RMND5A: variants seen among roughly 807,000 people sequenced by gnomAD.
RMND5A encodes the protein E3 ubiquitin-protein transferase RMND5A.
RMND5A carries 17 observed loss-of-function variants against 49.7 expected under a neutral mutation model. That is an observed-to-expected ratio of 0.34 (90% CI 0.23 to 0.51). RMND5A has a LOEUF of 0.51. RMND5A is among the 20% of genes least tolerant of loss of function. RMND5A has a pLI of 0.96. For synonymous variants in RMND5A, 156 were observed against 167.7 expected (o/e 0.93, Z 0.54); for missense variants, 255 against 471.3 (o/e 0.54, Z 4.25).
rs555833774 is a variant in RMND5A at position 86,777,647 on chromosome 2, G to A, written c.*4236G>A. 2.6e-4 allele frequency: 40 copies of A among 152,256 alleles called. No homozygotes were observed. Among genetic ancestry groups the A allele is most frequent in the African/African-American group, 8.7e-4 (36 of 41,544 alleles). The allele number at this position is 152,256 out of a possible 1,614,324, so 9.4% of individuals were successfully genotyped here. ...TATAGTATTTCTATAATTATGTAAC[G>A]AGAATAGTGTTGCACTGTAATCTAT... On this transcript the variant is annotated 3_prime_UTR_variant, in exon 9 of 9. Coordinates refer to ENST00000283632, the MANE Select transcript of RMND5A (RefSeq NM_022780.4).
rs2104378171 is a variant in RMND5A, at chr2:86,720,473, G to A, written c.-195G>A. On this transcript the variant is annotated 5_prime_UTR_variant, in exon 1 of 9. Coordinates refer to ENST00000283632, the MANE Select transcript of RMND5A (RefSeq NM_022780.4). ...AGCGGCGACTCGCCGGGGGGCTAGG[G>A]CGCCATGGGGCAGGCGGGCTCCGGC... 2 of 240,440 alleles carry A rather than the reference G, an allele frequency of 8.3e-6. No homozygotes were observed. The highest frequency in any genetic ancestry group is 1.5e-5 in the Non-Finnish European group (2 of 133,200). 14.9% of individuals were successfully genotyped at this position (240,440 alleles called of 1,614,324 possible). A position where few individuals can be genotyped will look rare whatever the true frequency, so the allele number is the denominator to read the frequency against.
At chr2:86,767,425 C>CTTTTTTTTTTTTT (rs11468234) in intron 6 of RMND5A, among the ~76,000 whole-genome samples, 5 of 139,524 alleles carry the variant, frequency 3.6e-5, no homozygotes, top group Non-Finnish European at 4.7e-5. Context: ...TTTTGGCAGT[C>CTTTTTTTTTTTTT]TTTTTTTTTT....
chr2:86,726,188 G>T lies in RMND5A; in HGVS notation c.142+5379G>T. On this transcript the variant is annotated intron_variant, in intron 1 of 8. Transcript: ENST00000283632. ...TATAATCTTCCAATCTAGAATTTGGGTTGTGTATATTAAACACATGTGTTG... is the reference window on the plus strand; with the variant it reads ...TATAATCTTCCAATCTAGAATTTGGTTTGTGTATATTAAACACATGTGTTG... Among the ~76,000 whole-genome samples, 2 of 71,454 alleles carry T rather than the reference G, an allele frequency of 2.8e-5. 1 individual carries two copies. 46.9% of individuals were successfully genotyped at this position (71,454 alleles called of 152,430 possible). A position where few individuals can be genotyped will look rare whatever the true frequency, so the allele number is the denominator to read the frequency against.
At chr2:86,742,912 C>G (rs1681473810) in intron 2 of RMND5A, among the ~76,000 whole-genome samples, 1 of 151,916 alleles carries the variant, frequency 6.6e-6, no homozygotes, top group African/African-American at 2.4e-5. Flanking sequence ...GGCTCAGCAA[C>G]TATAATTCTA....
At chr2:86,720,852 C>G (rs896147335) in intron 1 of RMND5A, 43 bp downstream of exon 1, 9 of 1,515,096 alleles carry the variant, frequency 5.9e-6, no homozygotes, top group Admixed American at 2.1e-5. Flanking sequence ...GCCCACTGCC[C>G]GAGCCCCGGT....
intron 2 of RMND5A, among the ~76,000 whole-genome samples, chr2:86,749,519 T>C (rs1180912229): frequency 6.6e-6 from 1 of 152,000 alleles, no homozygotes; most frequent in Non-Finnish European, 1.5e-5. Context: ...GCCTCCCAAG[T>C]AGATGGGATC....
At chr2:86,748,324 A>G (rs1165187813) in intron 2 of RMND5A, 2 of 152,374 alleles carry the variant, frequency 1.3e-5, no homozygotes, top group East Asian at 1.9e-4. Flanking sequence ...TGACCAGAAA[A>G]TAAGCTATGG....
intron 7 of RMND5A, 136 bp from the exon 8 acceptor site, chr2:86,771,421 TA>T: frequency 1.6e-6 from 1 of 643,364 alleles, no homozygotes; most frequent in Non-Finnish European, 2.5e-6. Flanking sequence ...CCATCTGAGT[TA>T]GAAGAGTGCT....
At chr2:86,761,927 C>T (rs1672495684) in intron 4 of RMND5A, among the ~76,000 whole-genome samples, 1 of 152,096 alleles carries the variant, frequency 6.6e-6, no homozygotes. Context: ...AAATAAATGC[C>T]TCTCCAGGTT....
At chr2:86,746,460 G>A (rs1681539678) in intron 2 of RMND5A, among the ~76,000 whole-genome samples, 1 of 152,180 alleles carries the variant, frequency 6.6e-6, no homozygotes, top group South Asian at 2.1e-4. Context: ...AGGTTTTCAT[G>A]TACATTATTT....
rs1347963429 is a variant in RMND5A at position 86,720,592 on chromosome 2, C to G, written c.-76C>G. The G allele has an allele frequency of 2.5e-5, 32 of 1,293,506 alleles. No individual in the cohort carries two copies. Among genetic ancestry groups the G allele is most frequent in the Admixed American group, 3.1e-5 (1 of 32,346 alleles). 80.1% of individuals were successfully genotyped at this position (1,293,506 alleles called of 1,614,324 possible). On this transcript the variant is annotated 5_prime_UTR_variant, in exon 1 of 9. Coordinates refer to ENST00000283632, the MANE Select transcript of RMND5A (RefSeq NM_022780.4). Reference sequence around the variant, plus strand: ...CCCGCTTGGGGAACGAGGAGCAGGACGCGGCCTCGGTGGGGCCCGGGCCGA... The same window carrying G: ...CCCGCTTGGGGAACGAGGAGCAGGAGGCGGCCTCGGTGGGGCCCGGGCCGA...
intron 4 of RMND5A, among the ~76,000 whole-genome samples, chr2:86,761,006 A>T (rs1672479910): frequency 7.8e-6 from 1 of 127,564 alleles, no homozygotes; most frequent in Admixed American, 8.5e-5. Context: ...GTGTGTGTGA[A>T]TCAGTTTGGC....
chr2:86,751,972 T>C lies in RMND5A; in HGVS notation c.362T>C (p.Val121Ala). The C allele has an allele frequency of 6.2e-7, 1 of 1,613,824 alleles. No homozygotes were observed. Among genetic ancestry groups the C allele is most frequent in the East Asian group, 2.2e-5 (1 of 44,876 alleles). Residue 121 changes from valine (V) to alanine (A), a missense_variant, in exon 3 of 9, where the codon GTG becomes GCG. Coordinates refer to ENST00000283632, the MANE Select transcript of RMND5A (RefSeq NM_022780.4). ...GACAGCCAAAGGCTTCTCAATGAGG[T>C]GATGGTGGAGCACTTCTTTCGACAA... ...QADSQRLLNE[V>A]MVEHFFRQGM...
At chr2:86,729,084 AATATTT>A in intron 1 of RMND5A, among the ~76,000 whole-genome samples, 1 of 152,164 alleles carries the variant, frequency 6.6e-6, no homozygotes, top group Admixed American at 6.5e-5. Context: ...CATTTTGGGT[AATATTT>A]AGGTGTCTTT....
chr2:86,770,179 G>T, intron 7 of RMND5A, 54 bp downstream of exon 7: 1 of 1,219,172 alleles, frequency 8.2e-7, no homozygotes, highest in Non-Finnish European at 1.2e-6. Flanking sequence ...GAAGAATATG[G>T]CATCTTTAAA....
chr2:86,749,038 C>T (rs1433296060), intron 2 of RMND5A, among the ~76,000 whole-genome samples: 1 of 152,182 alleles, frequency 6.6e-6, no homozygotes, highest in Non-Finnish European at 1.5e-5. Flanking sequence ...GTAATAAACT[C>T]ATCTTCAGAT....
At chr2:86,772,379 C>T (rs150073419) in intron 8 of RMND5A, among the ~76,000 whole-genome samples, 2,288 of 151,996 alleles carry the variant, frequency 0.015, 67 homozygotes, top group African/African-American at 0.052. Context: ...GGCGTGAACC[C>T]GAGAGGCAGA....
chr2:86,748,749 A>AAC (rs2104394789), intron 2 of RMND5A, among the ~76,000 whole-genome samples: 1 of 152,310 alleles, frequency 6.6e-6, no homozygotes, highest in South Asian at 2.1e-4. Flanking sequence ...ATTCTGACCT[A>AAC]ATATATATAT....
At chr2:86,757,174 C>CAAAAAAAAAAAAAA (rs60710494) in intron 4 of RMND5A, among the ~76,000 whole-genome samples, 11 of 97,954 alleles carry the variant, frequency 1.1e-4, no homozygotes, top group African/African-American at 4.1e-4. Flanking sequence ...AACTCAGTCT[C>CAAAAAAAAAAAAAA]AAAAAAAAAA....
Sources: allele counts gnomAD v4.1 joint callset (sites outside exome capture counted in the v4.1 genomes callset), GRCh38; gene constraint gnomAD v4.1.1; transcripts MANE v1.5; gene names NCBI Gene and HGNC (gene_info 2026-07-23, HGNC 2026-07-21).